Variants in DOCK1 observed in about 807,000 individuals in gnomAD.
DOCK1 encodes dedicator of cytokinesis protein 1.
In DOCK1, 138 loss-of-function variants were observed where a neutral mutation model predicts 262.7. That is an observed-to-expected ratio of 0.53 (90% CI 0.46 to 0.61). The LOEUF is 0.61. DOCK1 is among the 20% of genes least tolerant of loss of function. The pLI is 0.00. For missense variants in DOCK1, 1,908 were observed against 2,370.7 expected (o/e 0.80, Z 4.05); for synonymous variants, 866 against 867.4 (o/e 1.00, Z 0.03).
chr10:126,999,806 G>C (rs1368949835), intron 9 of DOCK1, among the ~76,000 whole-genome samples: 1 of 152,146 alleles, frequency 6.6e-6, no homozygotes, highest in African/African-American at 2.4e-5. Flanking sequence ...CTCCCGAGTA[G>C]CTGGGATTAC....
chr10:126,917,681 T>G (rs1233981122), intron 1 of DOCK1, among the ~76,000 whole-genome samples: 3 of 152,112 alleles, frequency 2.0e-5, no homozygotes, highest in Non-Finnish European at 4.4e-5. Flanking sequence ...CACCCCGGGC[T>G]GTGGGGACAA....
intron 1 of DOCK1, among the ~76,000 whole-genome samples, chr10:126,934,999 A>G (rs1206773156): frequency 3.9e-5 from 6 of 152,068 alleles, no homozygotes; most frequent in African/African-American, 1.2e-4. Context: ...AGTCCCAGCT[A>G]CTCAGGAGGC....
intron 23 of DOCK1, among the ~76,000 whole-genome samples, chr10:127,084,284 C>T (rs940030947): frequency 4.6e-5 from 7 of 152,184 alleles, no homozygotes; most frequent in African/African-American, 7.2e-5. Flanking sequence ...GTAGTTACCA[C>T]GTTATAGTAA....
intron 29 of DOCK1, among the ~76,000 whole-genome samples, chr10:127,260,885 GTACCCGTGCTCATC>G (rs1347418826): frequency 6.6e-4 from 94 of 142,772 alleles, no homozygotes; most frequent in East Asian, 1.1e-3. Context: ...GTGTGTGTGT[GTACCCGTGCTCATC>G]TGTGTACCTG....
chr10:127,316,236 G>C (rs957754664), intron 29 of DOCK1, among the ~76,000 whole-genome samples: 1 of 152,080 alleles, frequency 6.6e-6, no homozygotes, highest in African/African-American at 2.4e-5. Context: ...CTCTGGTCCC[G>C]TGCTGTACCT....
rs74322978 is a variant in DOCK1, at chr10:127,040,015, G to A, written c.2010+2199G>A. Among the ~76,000 whole-genome samples the A allele has an allele frequency of 3.7e-3, 561 of 152,184 alleles. 1 individual carries two copies. Among genetic ancestry groups the A allele is most frequent in the African/African-American group, 0.013 (529 of 41,542 alleles). ...CCACTGCAGCTCCGCAGCCCAATAC[G>A]TGCAGCTCCATCTCCCTGTGGTTCT... On this transcript the variant is annotated intron_variant, in intron 19 of 51. Coordinates refer to ENST00000623213, the MANE Select transcript of DOCK1 (RefSeq NM_001290223.2).
intron 27 of DOCK1, among the ~76,000 whole-genome samples, chr10:127,229,040 C>T (rs188025315): frequency 6.6e-6 from 1 of 152,162 alleles, no homozygotes; most frequent in East Asian, 1.9e-4. Flanking sequence ...CGTGAGCAGC[C>T]TGGCCAACAT....
rs2055137776 is a variant in DOCK1, at chr10:127,176,284, T to C, written c.2847+48520T>C. 2 of 1,614,034 alleles carry C rather than the reference T, an allele frequency of 1.2e-6. No individual in the cohort carries two copies. The highest frequency in any genetic ancestry group is 1.7e-6 in the Non-Finnish European group (2 of 1,180,048). ...TGCAGGGCTTTGTTCCGTTTTTTAA[T>C]CTGCCGGTTGGGGTCCAGGGCGTAT... On this transcript the variant is annotated intron_variant, in intron 27 of 51. Coordinates refer to ENST00000623213, the MANE Select transcript of DOCK1 (RefSeq NM_001290223.2). The surrounding 1 kb of genome is among the most constrained non-coding windows in gnomAD (Gnocchi z 4.4).
intron 38 of DOCK1, among the ~76,000 whole-genome samples, chr10:127,392,995 G>A (rs1040500403): frequency 1.3e-5 from 2 of 152,126 alleles, no homozygotes; most frequent in Non-Finnish European, 1.5e-5. Flanking sequence ...TTTATTAAGT[G>A]ACCGAACGGG....
intron 27 of DOCK1, among the ~76,000 whole-genome samples, chr10:127,226,750 AAAAC>A (rs147379947): frequency 2.0e-5 from 3 of 151,748 alleles, no homozygotes; most frequent in East Asian, 1.9e-4. Flanking sequence ...TCTCAGAATG[AAAAC>A]AAACAAACAA....
intron 16 of DOCK1, among the ~76,000 whole-genome samples, chr10:127,027,316 C>T (rs2042935456): frequency 6.6e-6 from 1 of 152,228 alleles, no homozygotes; most frequent in Non-Finnish European, 1.5e-5. Context: ...ACCTTTCTGG[C>T]TGGTGCCGTG....
intron 43 of DOCK1, among the ~76,000 whole-genome samples, chr10:127,412,537 A>T (rs1019391220): frequency 3.9e-5 from 6 of 152,194 alleles, no homozygotes; most frequent in African/African-American, 1.4e-4. Context: ...CCCAAGGAGG[A>T]CCGGCTCTGC....
chr10:127,278,033 C>G (rs139252222), intron 29 of DOCK1, among the ~76,000 whole-genome samples: 2 of 152,192 alleles, frequency 1.3e-5, no homozygotes, highest in Admixed American at 1.3e-4. Context: ...TGTGTCCACT[C>G]ACTAATCCAT....
chr10:127,229,178 C>T (rs35483211), intron 27 of DOCK1, among the ~76,000 whole-genome samples: 39,911 of 151,986 alleles, frequency 0.26, 5,625 homozygotes, highest in South Asian at 0.41. Context: ...GAGCCGAGAT[C>T]GCATCACTGC....
At chr10:127,046,777 A>G (rs1446520163) in intron 21 of DOCK1, among the ~76,000 whole-genome samples, 1 of 151,732 alleles carries the variant, frequency 6.6e-6, no homozygotes, top group Admixed American at 6.6e-5. Context: ...AAAAAAAAAA[A>G]AAAGATTTTC....
At position 127,043,546 on chromosome 10, in the gene DOCK1, T is replaced by A. The variant is rs75188779; in HGVS notation, c.2201+382T>A. Among the ~76,000 whole-genome samples, 94 of 152,372 alleles carry A rather than the reference T, an allele frequency of 6.2e-4. 1 individual carries two copies. In the East Asian group the frequency reaches 0.018, roughly 28 times the overall value. On this transcript the variant is annotated intron_variant, in intron 21 of 51. Transcript: ENST00000623213. Reference sequence around the variant, plus strand: ...TGTTAAGGAGATTGGTTGTTTAGTGTGAATTAGATGCAGTTTTGTACTTTG... The same window carrying A: ...TGTTAAGGAGATTGGTTGTTTAGTGAGAATTAGATGCAGTTTTGTACTTTG...
intron 27 of DOCK1, among the ~76,000 whole-genome samples, chr10:127,216,596 C>T (rs1051426469): frequency 6.6e-6 from 1 of 152,172 alleles, no homozygotes; most frequent in African/African-American, 2.4e-5. Flanking sequence ...ACCCCACTCT[C>T]ATATGTAGGC....
At chr10:127,166,340 C>G (rs964528637) in intron 27 of DOCK1, among the ~76,000 whole-genome samples, 3 of 152,188 alleles carry the variant, frequency 2.0e-5, no homozygotes, top group Non-Finnish European at 2.9e-5. Flanking sequence ...GCTGGGATTA[C>G]AGGCGTGAGC....
intron 27 of DOCK1, among the ~76,000 whole-genome samples, chr10:127,140,346 G>C (rs574591907): frequency 6.6e-6 from 1 of 152,134 alleles, no homozygotes; most frequent in Non-Finnish European, 1.5e-5. Context: ...ATGCTGCCCT[G>C]GGAATCTGCA....
Sources: allele counts gnomAD v4.1 joint callset (sites outside exome capture counted in the v4.1 genomes callset), GRCh38; gene constraint gnomAD v4.1.1; non-coding constraint Gnocchi (gnomAD v3.1); transcripts MANE v1.5; gene names NCBI Gene and HGNC (gene_info 2026-07-23, HGNC 2026-07-21).